ENOX1: variants seen among roughly 807,000 people sequenced by gnomAD.
The protein encoded by ENOX1 is candidate growth-related and time keeping constitutive hydroquinone (NADH) oxidase.
Under a neutral mutation model 82.5 loss-of-function variants are expected in ENOX1, and 42 were observed. The observed-to-expected ratio is 0.51, with a 90% CI of 0.40 to 0.66. The LOEUF (loss-of-function observed/expected upper bound fraction) is 0.66. Among genes scored for constraint, ENOX1 ranks in the 30% least tolerant of loss-of-function variants. The pLI is 0.00. For missense variants in ENOX1, 608 were observed against 811.6 expected (o/e 0.75, Z 3.05); for synonymous variants, 271 against 282.2 (o/e 0.96, Z 0.40).
At chr13:43,678,111 C>T (rs1475406961) in intron 1 of ENOX1, among the ~76,000 whole-genome samples, 1 of 152,082 alleles carries the variant, frequency 6.6e-6, no homozygotes, top group African/African-American at 2.4e-5. Context: ...GGGGAAGCTA[C>T]CATCCTGAAA....
chr13:43,636,414 T>G (rs557538011), intron 2 of ENOX1, among the ~76,000 whole-genome samples: 9 of 152,280 alleles, frequency 5.9e-5, no homozygotes, highest in Admixed American at 3.3e-4. Flanking sequence ...CAGGTTCCAG[T>G]GTAACTTGCT....
chr13:43,759,639 C>T (rs1418928802), intron 1 of ENOX1, among the ~76,000 whole-genome samples: 1 of 152,178 alleles, frequency 6.6e-6, no homozygotes. Context: ...CTAAACTGCA[C>T]ATCAGAATCA....
chr13:43,302,513 T>C (rs2046636232), intron 11 of ENOX1, among the ~76,000 whole-genome samples: 1 of 152,126 alleles, frequency 6.6e-6, no homozygotes, highest in African/African-American at 2.4e-5. Context: ...AATAATAAAA[T>C]TGGAAAAATT....
At chr13:43,254,560 T>C (rs1040751248) in intron 14 of ENOX1, among the ~76,000 whole-genome samples, 5 of 152,232 alleles carry the variant, frequency 3.3e-5, no homozygotes, top group Non-Finnish European at 7.3e-5. Context: ...AAATGATAGC[T>C]GAATTAACCA....
At chr13:43,769,229 C>T (rs944279459) in intron 1 of ENOX1, among the ~76,000 whole-genome samples, 3 of 152,120 alleles carry the variant, frequency 2.0e-5, no homozygotes, top group African/African-American at 7.2e-5. Context: ...TTACCCATAA[C>T]ACTGAATCTT....
At chr13:43,237,769 G>A (rs2042620612) in intron 14 of ENOX1, among the ~76,000 whole-genome samples, 1 of 152,128 alleles carries the variant, frequency 6.6e-6, no homozygotes, top group Non-Finnish European at 1.5e-5. Flanking sequence ...GGAGCATGCC[G>A]AGCCTGCAAA....
chr13:43,385,113 T>C (rs1456789275), intron 5 of ENOX1, among the ~76,000 whole-genome samples: 1 of 152,222 alleles, frequency 6.6e-6, no homozygotes. Flanking sequence ...GGTTCTCTGA[T>C]GCTTAAATGA....
chr13:43,413,126 C>T (rs1455301959), intron 3 of ENOX1, 138 bp from the exon 4 acceptor site: 10 of 883,744 alleles, frequency 1.1e-5, no homozygotes, highest in Non-Finnish European at 1.6e-5. Context: ...ATGCTGCTTC[C>T]CATCGCTCAG....
intron 2 of ENOX1, among the ~76,000 whole-genome samples, chr13:43,636,429 G>A (rs2083417187): frequency 6.6e-6 from 1 of 152,130 alleles, no homozygotes; most frequent in Admixed American, 6.5e-5. Context: ...CTTGCTGTTT[G>A]TCTTTGAGCA....
At chr13:43,601,053 C>A (rs536294545) in intron 2 of ENOX1, among the ~76,000 whole-genome samples, 1 of 152,226 alleles carries the variant, frequency 6.6e-6, no homozygotes, top group South Asian at 2.1e-4. Context: ...AAAACCTTCC[C>A]AAGAAAGACG....
chr13:43,399,956 C>A (rs1325475052), intron 5 of ENOX1, among the ~76,000 whole-genome samples: 1 of 151,956 alleles, frequency 6.6e-6, no homozygotes, highest in African/African-American at 2.4e-5. Context: ...ATCAGCCCAC[C>A]CCTTTTTTCA....
intron 3 of ENOX1, among the ~76,000 whole-genome samples, chr13:43,467,930 T>A (rs763838484): frequency 1.3e-5 from 2 of 152,076 alleles, no homozygotes; most frequent in Non-Finnish European, 2.9e-5. Context: ...CTATTCTTTC[T>A]TCCATTGAAT....
At position 43,610,793 on chromosome 13, in the gene ENOX1, G is replaced by GA. The variant is rs1470620058; in HGVS notation, c.-219+56685dup. ...TCAGTTTTATGACTTACCGATCCAG[G>GA]AAAATGCTTGGAAAGCACAGTAACA... is the stretch of plus-strand genomic sequence containing the variant. On this transcript the variant is annotated intron_variant, in intron 2 of 16. Coordinates refer to ENST00000690772, the MANE Select transcript of ENOX1 (RefSeq NM_001347969.2). 9.9e-5 allele frequency among the ~76,000 whole-genome samples: 15 copies of GA among 151,316 alleles called. No individual in the cohort carries two copies. The East Asian group carries it at 2.5e-3, about 26-fold the overall frequency.
intron 5 of ENOX1, among the ~76,000 whole-genome samples, chr13:43,401,589 G>GT (rs765946204): frequency 4.6e-5 from 7 of 152,148 alleles, no homozygotes; most frequent in Non-Finnish European, 8.8e-5. Flanking sequence ...ATCTTCAGAG[G>GT]TCCCCTCAGA....
chr13:43,559,533 C>A (rs1307991152), intron 2 of ENOX1, among the ~76,000 whole-genome samples: 1 of 152,118 alleles, frequency 6.6e-6, no homozygotes, highest in Admixed American at 6.5e-5. Context: ...TAGATGACTT[C>A]TGAAAAGAAA....
chr13:43,735,429 G>A (rs559887114), intron 1 of ENOX1, among the ~76,000 whole-genome samples: 2 of 152,096 alleles, frequency 1.3e-5, no homozygotes, highest in South Asian at 4.2e-4. Flanking sequence ...AAGGAAAAAG[G>A]GAAATGTGGG....
chr13:43,542,007 G>A (rs1011987886), intron 2 of ENOX1, among the ~76,000 whole-genome samples: 5 of 152,104 alleles, frequency 3.3e-5, no homozygotes, highest in South Asian at 2.1e-4. Context: ...ACTCACTGTC[G>A]GGGGTTCCAG....
chr13:43,280,547 G>A (rs2045318353), intron 12 of ENOX1, among the ~76,000 whole-genome samples: 1 of 152,202 alleles, frequency 6.6e-6, no homozygotes, highest in Non-Finnish European at 1.5e-5. Flanking sequence ...GGTGAGAGTT[G>A]CAATGATCTA....
chr13:43,490,004 C>T (rs536336735), intron 2 of ENOX1, among the ~76,000 whole-genome samples: 1 of 152,206 alleles, frequency 6.6e-6, no homozygotes, highest in Non-Finnish European at 1.5e-5. Context: ...AGTGGCATGA[C>T]GTCGGCTCAC....
Sources: allele counts gnomAD v4.1 joint callset (sites outside exome capture counted in the v4.1 genomes callset), GRCh38; gene constraint gnomAD v4.1.1; transcripts MANE v1.5; gene names NCBI Gene and HGNC (gene_info 2026-07-23, HGNC 2026-07-21).